RAD54B: variants seen among roughly 807,000 people sequenced by gnomAD.
The protein encoded by RAD54B is RAD54 homolog B, also known as DNA repair and recombination protein RAD54B.
Under a neutral mutation model 95.8 loss-of-function variants are expected in RAD54B, and 78 were observed. The observed-to-expected ratio is 0.81, with a 90% CI of 0.68 to 0.98. The LOEUF (loss-of-function observed/expected upper bound fraction) is 0.98, where lower values mean the gene tolerates loss of function less well. Among genes scored for constraint, RAD54B ranks in the 50% least tolerant of loss-of-function variants. RAD54B has a pLI of 0.00. For missense variants in RAD54B, 957 were observed against 1,056.6 expected (o/e 0.91, Z 1.31); for synonymous variants, 328 against 354.9 (o/e 0.92, Z 0.85).
intron 3 of RAD54B, among the ~76,000 whole-genome samples, chr8:94,424,295 T>C (rs1319278928): frequency 2.0e-5 from 3 of 152,160 alleles, no homozygotes; most frequent in African/African-American, 7.2e-5. Flanking sequence ...TTTGTGCCAG[T>C]TTATAAATCT....
At chr8:94,432,604 A>G in intron 3 of RAD54B, 1 of 1,549,964 alleles carries the variant, frequency 6.5e-7, no homozygotes, top group Non-Finnish European at 8.7e-7. Flanking sequence ...TGGTGATCCA[A>G]CATTACCTGT....
At chr8:94,436,647 C>G (rs1485662097) in intron 3 of RAD54B, 1 of 1,550,380 alleles carries the variant, frequency 6.5e-7, no homozygotes, top group Non-Finnish European at 8.7e-7. Flanking sequence ...ATTCTTTGAG[C>G]CTTTTATAAA....
At chr8:94,374,018 G>A (rs1157439408) in intron 14 of RAD54B, among the ~76,000 whole-genome samples, 6 of 152,134 alleles carry the variant, frequency 3.9e-5, no homozygotes, top group South Asian at 4.1e-4. Context: ...AGTGGCTCAC[G>A]CCTGTAATCC....
At chr8:94,435,753 T>C (rs914327431) in intron 3 of RAD54B, among the ~76,000 whole-genome samples, 4 of 151,586 alleles carry the variant, frequency 2.6e-5, no homozygotes, top group African/African-American at 9.7e-5. Context: ...AATTCATAAT[T>C]TGATATCCTT....
At chr8:94,376,005 T>C (rs1198709443) in intron 14 of RAD54B, among the ~76,000 whole-genome samples, 1 of 152,136 alleles carries the variant, frequency 6.6e-6, no homozygotes, top group Admixed American at 6.5e-5. Flanking sequence ...TGTAAATATA[T>C]TACCGATTCA....
At position 94,378,373 on chromosome 8, in the gene RAD54B, T is replaced by C. The variant is rs1374938993; in HGVS notation, c.2322A>G (p.Ile774Met). The change falls in exon 14 of 15, where the codon ATA (isoleucine) becomes ATG (methionine). Residue 774 changes from isoleucine to methionine, a missense_variant. Physicochemically the swap from Ile to Met is conservative, Grantham distance 10 (BLOSUM62 1). Coordinates refer to ENST00000336148, the MANE Select transcript of RAD54B (RefSeq NM_012415.3). ...HIYRLLTTGT[I>M]EEKIYQRQIS... ...TCTGCCTTTGATAGATCTTTTCTTC[T>C]ATTGTACCTAAAGAGAAAACATTAA... The C allele has an allele frequency of 1.2e-6, 2 of 1,611,690 alleles. No homozygotes were observed. Among genetic ancestry groups the C allele is most frequent in the East Asian group, 2.2e-5 (1 of 44,836 alleles).
At chr8:94,456,564 G>C (rs533204058) in intron 3 of RAD54B, among the ~76,000 whole-genome samples, 1 of 152,248 alleles carries the variant, frequency 6.6e-6, no homozygotes, top group East Asian at 1.9e-4. Context: ...GAGGCAAAAT[G>C]TTAGTAACTG....
At chr8:94,434,092 T>C (rs1812194413) in intron 3 of RAD54B, among the ~76,000 whole-genome samples, 1 of 151,858 alleles carries the variant, frequency 6.6e-6, no homozygotes. Flanking sequence ...CAATTAATTA[T>C]AAATGTAATT....
chr8:94,431,635 G>A (rs559566030), intron 3 of RAD54B: 2 of 948,030 alleles, frequency 2.1e-6, no homozygotes, highest in Admixed American at 6.2e-5. Flanking sequence ...GAAAAAAAGT[G>A]TTCTCCAAAT....
intron 14 of RAD54B, among the ~76,000 whole-genome samples, chr8:94,373,532 C>T (rs1241447426): frequency 1.3e-5 from 2 of 152,224 alleles, no homozygotes; most frequent in Admixed American, 6.5e-5. Context: ...CAGCAGAGGA[C>T]TCTAAGGTCC....
At chr8:94,401,214 C>A (rs1340813962) in intron 6 of RAD54B, among the ~76,000 whole-genome samples, 1 of 152,044 alleles carries the variant, frequency 6.6e-6, no homozygotes, top group African/African-American at 2.4e-5. Flanking sequence ...TGAAAGTCCA[C>A]TTATATATGG....
intron 2 of RAD54B, 49 bp downstream of exon 2, chr8:94,467,356 A>C: frequency 6.9e-7 from 1 of 1,451,280 alleles, no homozygotes; most frequent in East Asian, 2.3e-5. Context: ...TTTCTTAAAC[A>C]TACATGCTTC....
chr8:94,428,726 C>T, intron 3 of RAD54B: 1 of 980,064 alleles, frequency 1.0e-6, no homozygotes, highest in Non-Finnish European at 1.2e-6. Flanking sequence ...AGATAGAAAG[C>T]CAAGTGTACA....
intron 3 of RAD54B, among the ~76,000 whole-genome samples, chr8:94,456,501 A>G (rs1327256326): frequency 6.6e-6 from 1 of 152,186 alleles, no homozygotes; most frequent in African/African-American, 2.4e-5. Context: ...CTTATTTTCA[A>G]AAGGTTGAGG....
intron 14 of RAD54B, among the ~76,000 whole-genome samples, chr8:94,376,044 A>G (rs1357101152): frequency 2.0e-5 from 3 of 152,206 alleles, no homozygotes; most frequent in South Asian, 2.1e-4. Flanking sequence ...TTTGAAATCT[A>G]TAAAAGAAAA....
intron 3 of RAD54B, among the ~76,000 whole-genome samples, chr8:94,457,896 C>G (rs1178440166): frequency 6.6e-6 from 1 of 152,100 alleles, no homozygotes; most frequent in Non-Finnish European, 1.5e-5. Flanking sequence ...ACTCCAGACT[C>G]TAATGAATTA....
At chr8:94,430,483 T>C in intron 3 of RAD54B, 12 of 970,316 alleles carry the variant, frequency 1.2e-5, no homozygotes, top group Non-Finnish European at 1.5e-5. Flanking sequence ...TCTCAAACTT[T>C]AGCATGCATC....
At chr8:94,467,580 C>T in intron 1 of RAD54B, 25 bp from the exon 2 acceptor site, 15 of 1,584,304 alleles carry the variant, frequency 9.5e-6, no homozygotes, top group Non-Finnish European at 1.2e-5. Context: ...AAACAGTTAA[C>T]TATCCACGAA....
chr8:94,384,367 G>T (rs971284467), intron 11 of RAD54B, among the ~76,000 whole-genome samples: 36 of 152,246 alleles, frequency 2.4e-4, no homozygotes, highest in African/African-American at 8.2e-4. Context: ...AAACCTGGAG[G>T]ACATTATGTT....
Sources: allele counts gnomAD v4.1 joint callset (sites outside exome capture counted in the v4.1 genomes callset), GRCh38; gene constraint gnomAD v4.1.1; transcripts MANE v1.5; gene names NCBI Gene and HGNC (gene_info 2026-07-23, HGNC 2026-07-21).